The following ADK variants were observed in gnomAD, a reference collection of about 807,000 sequenced individuals.
ADK encodes the protein N6,N6-dimethyladenosine kinase.
ADK carries 24 observed loss-of-function variants against 44.7 expected under a neutral mutation model. The ratio of observed to expected loss-of-function variants is 0.54; its 90% confidence interval spans 0.39 to 0.76. The LOEUF is 0.76. Ranked by LOEUF, ADK falls within the 30% of genes least tolerant of loss-of-function variation. The probability of loss-of-function intolerance (pLI) is 0.00; values close to 1 mark genes in which losing one functional copy is unlikely to be tolerated. For synonymous variants in ADK, 128 were observed against 142.6 expected, an observed-to-expected ratio of 0.90 and a Z score of 0.73; for missense variants, 321 against 425.1, an observed-to-expected ratio of 0.76 and a Z score of 2.15.
intron 3 of ADK, among the ~76,000 whole-genome samples, chr10:74,234,888 GT>G (rs1217966334): frequency 6.6e-6 from 1 of 152,040 alleles, no homozygotes; most frequent in Non-Finnish European, 1.5e-5. Context: ...TTGCAAGTGG[GT>G]TTTTAAAAGT....
chr10:74,287,017 A>G (rs572448793), intron 3 of ADK, among the ~76,000 whole-genome samples: 1 of 152,244 alleles, frequency 6.6e-6, no homozygotes, highest in East Asian at 1.9e-4. Flanking sequence ...TTTACAGATG[A>G]GAAAACTGAG....
In ADK at chr10:74,302,097, T is replaced by TTTTTG. The variant is rs1840060069; in HGVS notation, c.195-12567_195-12566insTGTTT. Among the ~76,000 whole-genome samples, 4 of 63,874 alleles carry TTTTTG rather than the reference T, an allele frequency of 6.3e-5. 1 individual carries two copies. Among genetic ancestry groups the TTTTTG allele is most frequent in the East Asian group, 6.1e-4 (2 of 3,258 alleles). The allele number at this position is 63,874 out of a possible 152,430, so 41.9% of individuals were successfully genotyped here. ...TGCTTTCTTTTCTTTTCTGTTTTTT[T>TTTTTG]TTTGTTTGTTTGTTTTTTTTTTTTT... On this transcript the variant is annotated intron_variant, in intron 3 of 10. Transcript: ENST00000539909.
intron 6 of ADK, among the ~76,000 whole-genome samples, chr10:74,419,391 A>G (rs962326625): frequency 1.3e-5 from 2 of 152,158 alleles, no homozygotes; most frequent in Non-Finnish European, 2.9e-5. Context: ...AAAAGCATCA[A>G]TCGGTCTTTC....
At chr10:74,454,401 A>T (rs996734770) in intron 6 of ADK, among the ~76,000 whole-genome samples, 1 of 152,140 alleles carries the variant, frequency 6.6e-6, no homozygotes, top group Non-Finnish European at 1.5e-5. Context: ...TATTTTAAAA[A>T]ATATATAACA....
chr10:74,665,777 G>GAC (rs1854929704), intron 9 of ADK, among the ~76,000 whole-genome samples: 1 of 127,298 alleles, frequency 7.9e-6, no homozygotes, highest in African/African-American at 3.0e-5. Flanking sequence ...GAGAGAGAGA[G>GAC]AGAGACAGAC....
intron 9 of ADK, among the ~76,000 whole-genome samples, chr10:74,612,556 CA>C (rs1564819174): frequency 6.6e-6 from 1 of 152,092 alleles, no homozygotes; most frequent in African/African-American, 2.4e-5. Context: ...GCATAGTTAG[CA>C]AATATTTTCT....
chr10:74,250,265 G>A (rs931036293), intron 3 of ADK, among the ~76,000 whole-genome samples: 2 of 152,174 alleles, frequency 1.3e-5, no homozygotes, highest in South Asian at 2.1e-4. Context: ...TATGCAAGAA[G>A]CTATCATAGA....
Position 74,322,542 on chromosome 10 carries a change from T to A in ADK, c.273+7797T>A, listed in dbSNP as rs113634136. Among the ~76,000 whole-genome samples, 757 of 152,290 alleles carry A rather than the reference T, an allele frequency of 5.0e-3. 10 individuals carry two copies. Among genetic ancestry groups the A allele is most frequent in the African/African-American group, 0.017 (705 of 41,558 alleles). ...TTTGCCTTTCTGTTCTCTTTCCTTT[T>A]CAAATTAGGTTGTTAAGTTTTCATA... On this transcript the variant is annotated intron_variant, in intron 4 of 10. Coordinates refer to ENST00000539909, the MANE Select transcript of ADK (RefSeq NM_006721.4).
At chr10:74,533,160 C>G (rs2133683823) in intron 7 of ADK, among the ~76,000 whole-genome samples, 1 of 151,962 alleles carries the variant, frequency 6.6e-6, no homozygotes, top group Non-Finnish European at 1.5e-5. Context: ...TTAAGAAGAC[C>G]CAAATGGGAG....
At chr10:74,371,966 C>T (rs547615262) in intron 4 of ADK, 82 of 921,976 alleles carry the variant, frequency 8.9e-5, no homozygotes, top group African/African-American at 6.4e-4. Context: ...ACCTATCTAC[C>T]GTTGCTTTGT....
At chr10:74,398,355 T>C in intron 5 of ADK, 116 bp from the exon 6 acceptor site, 1 of 552,772 alleles carries the variant, frequency 1.8e-6, no homozygotes, top group Admixed American at 3.2e-5. Flanking sequence ...ACATTAGTTT[T>C]GAAGAATTAA....
At chr10:74,673,493 G>C (rs1855259116) in intron 10 of ADK, among the ~76,000 whole-genome samples, 1 of 152,212 alleles carries the variant, frequency 6.6e-6, no homozygotes, top group South Asian at 2.1e-4. Context: ...GTGAGCAGGT[G>C]CAGGAGCTGG....
At chr10:74,364,936 A>G (rs1017069516) in intron 4 of ADK, among the ~76,000 whole-genome samples, 1 of 152,020 alleles carries the variant, frequency 6.6e-6, no homozygotes, top group Non-Finnish European at 1.5e-5. Flanking sequence ...CTTTTAGATT[A>G]CAGGACAATT....
At chr10:74,316,432 G>T (rs1840621977) in intron 4 of ADK, among the ~76,000 whole-genome samples, 1 of 152,124 alleles carries the variant, frequency 6.6e-6, no homozygotes, top group African/African-American at 2.4e-5. Flanking sequence ...AAGAGACCAG[G>T]TGGAGGTAAT....
chr10:74,655,956 C>T (rs1854472898), intron 9 of ADK: 2 of 699,674 alleles, frequency 2.9e-6, no homozygotes, highest in Non-Finnish European at 5.4e-6. Flanking sequence ...GGTGCAACTC[C>T]TCCTGGGCAA....
intron 9 of ADK, among the ~76,000 whole-genome samples, chr10:74,626,470 T>C (rs1853209423): frequency 6.6e-6 from 1 of 151,894 alleles, no homozygotes; most frequent in South Asian, 2.1e-4. Flanking sequence ...CCTGGCTAAT[T>C]TTTTGTATTT....
At chr10:74,456,682 A>C (rs886099729) in intron 6 of ADK, among the ~76,000 whole-genome samples, 2 of 151,118 alleles carry the variant, frequency 1.3e-5, no homozygotes, top group South Asian at 2.1e-4. Flanking sequence ...AAAAAAAAAA[A>C]AAAAAAAACC....
chr10:74,637,943 T>C (rs1235509810), intron 9 of ADK, among the ~76,000 whole-genome samples: 2 of 152,220 alleles, frequency 1.3e-5, no homozygotes, highest in African/African-American at 4.8e-5. Context: ...ACTTAAATAG[T>C]GCAGTTTATT....
intron 4 of ADK, among the ~76,000 whole-genome samples, chr10:74,356,060 G>A (rs577438764): frequency 1.4e-5 from 2 of 138,132 alleles, no homozygotes; most frequent in Non-Finnish European, 3.1e-5. Flanking sequence ...CGCCCAGGCC[G>A]GACTGCGGAC....
Sources: allele counts gnomAD v4.1 joint callset (sites outside exome capture counted in the v4.1 genomes callset), GRCh38; gene constraint gnomAD v4.1.1; transcripts MANE v1.5; gene names NCBI Gene and HGNC (gene_info 2026-07-23, HGNC 2026-07-21).